The following BICD1 variants were observed in gnomAD, a reference collection of about 807,000 sequenced individuals.
BICD1 encodes BICD cargo adaptor 1, also known as protein bicaudal D homolog 1.
A neutral mutation model predicts 92.5 loss-of-function variants in BICD1; 35 were observed. That is an observed-to-expected ratio of 0.38 (90% CI 0.29 to 0.50). BICD1 has a LOEUF of 0.50. BICD1 is among the 20% of genes least tolerant of loss of function. The pLI is 0.93. For missense variants in BICD1, 950 were observed against 1,189.8 expected, an observed-to-expected ratio of 0.80 and a Z score of 2.97; for synonymous variants, 429 against 465.1, an observed-to-expected ratio of 0.92 and a Z score of 1.00.
intron 2 of BICD1, among the ~76,000 whole-genome samples, chr12:32,248,105 C>A (rs973145443): frequency 9.9e-5 from 15 of 151,846 alleles, no homozygotes; most frequent in African/African-American, 2.7e-4. Flanking sequence ...ACAAAAAAAA[C>A]AAAAACCCAA....
In BICD1 at chr12:32,377,568, C is replaced by T; in HGVS notation, c.2869C>T (p.Pro957Ser). 1 of 1,614,142 alleles carries T rather than the reference C, an allele frequency of 6.2e-7. No homozygotes were observed. The highest frequency in any genetic ancestry group is 8.5e-7 in the Non-Finnish European group (1 of 1,180,020). The change falls in exon 10 of 10, where the codon CCA becomes TCA. Residue 957 changes from proline (P) to serine (S), a missense_variant. Pro to Ser is a moderately conservative substitution (Grantham distance 74). Around this residue, in one of 5 missense-constraint regions of BICD1, gnomAD observed 179 missense variants for 186.7 expected, o/e 0.96. Transcript: ENST00000652176. ...TGACACAGCTCTCCCTGAGGAGCAG[C>T]CACATTCCAGCTCCCAGTGCGCCCC... ...SPDTALPEEQPHSSSQCAPLH... is the reference protein window; with the variant it reads ...SPDTALPEEQSHSSSQCAPLH...
intron 2 of BICD1, among the ~76,000 whole-genome samples, chr12:32,221,406 G>A (rs1036606811): frequency 1.1e-4 from 16 of 151,222 alleles, no homozygotes; most frequent in Non-Finnish European, 1.9e-4. Context: ...TTTATAGGCC[G>A]GGCATGGTGG....
At chr12:32,193,014 G>A (rs528008184) in intron 1 of BICD1, among the ~76,000 whole-genome samples, 1 of 152,236 alleles carries the variant, frequency 6.6e-6, no homozygotes, top group Non-Finnish European at 1.5e-5. Context: ...GACAACAAAA[G>A]ATGTAGAATA....
At chr12:32,251,289 T>C (rs1247934656) in intron 2 of BICD1, among the ~76,000 whole-genome samples, 5 of 152,188 alleles carry the variant, frequency 3.3e-5, no homozygotes, top group South Asian at 2.1e-4. Flanking sequence ...ATCTTCCTCC[T>C]CACTACCTCA....
At chr12:32,141,773 C>T (rs771547680) in intron 1 of BICD1, among the ~76,000 whole-genome samples, 1 of 152,086 alleles carries the variant, frequency 6.6e-6, no homozygotes, top group Non-Finnish European at 1.5e-5. Context: ...CGCGCCTGGC[C>T]TGGACACCCA....
intron 2 of BICD1, among the ~76,000 whole-genome samples, chr12:32,258,494 G>T (rs1946774652): frequency 1.3e-5 from 2 of 152,068 alleles, no homozygotes; most frequent in Non-Finnish European, 2.9e-5. Flanking sequence ...AAAGACACAA[G>T]ACAAAGAGAT....
In BICD1 at chr12:32,278,773, A is replaced by G. The variant is rs57377080; in HGVS notation, c.427-15221A>G. 9.9e-3 allele frequency among the ~76,000 whole-genome samples: 1,503 copies of G among 152,278 alleles called. 33 individuals are homozygous for G. Among genetic ancestry groups the G allele is most frequent in the African/African-American group, 0.034 (1,414 of 41,556 alleles). Reference sequence around the variant, plus strand: ...CAGGAGGCTGAGGCAGGAGAATGGCATGAACCCGGAGGGCGGAGCTTGCAG... The same window carrying G: ...CAGGAGGCTGAGGCAGGAGAATGGCGTGAACCCGGAGGGCGGAGCTTGCAG... On this transcript the variant is annotated intron_variant, in intron 2 of 9. Transcript: ENST00000652176.
rs768099600 is a variant in BICD1, at chr12:32,192,567, CCA to C, written c.214-23679_214-23678del. ...AAACCAACCACAACATTCCGTTAAG[CCA>C]AAGCTTAATCCAGAGCAAGGTCTTT... On this transcript the variant is annotated intron_variant, in intron 1 of 9. Transcript: ENST00000652176. 8.0e-4 allele frequency among the ~76,000 whole-genome samples: 122 copies of C among 152,148 alleles called. 1 individual carries two copies. Among genetic ancestry groups the C allele is most frequent in the Non-Finnish European group, 1.6e-3 (107 of 68,036 alleles).
chr12:32,240,008 A>G (rs963424377), intron 2 of BICD1, among the ~76,000 whole-genome samples: 2 of 152,236 alleles, frequency 1.3e-5, no homozygotes, highest in Non-Finnish European at 2.9e-5. Flanking sequence ...TATGCACTAG[A>G]AAATAAAAAT....
intron 1 of BICD1, among the ~76,000 whole-genome samples, chr12:32,211,085 C>T (rs900063786): frequency 2.0e-5 from 3 of 152,120 alleles, no homozygotes; most frequent in African/African-American, 7.2e-5. Flanking sequence ...TTCTCCTTCA[C>T]CCTCCCTTTC....
chr12:32,334,648 A>G lies in BICD1; in HGVS notation c.2233A>G (p.Arg745Gly). Residue 745 changes from arginine (R) to glycine (G), a missense_variant, in exon 6 of 10, where the codon AGA becomes GGA. Physicochemically the swap from Arg to Gly is moderately radical, Grantham distance 125 (BLOSUM62 -2). This residue lies in a region of BICD1 where 309 missense variants were observed against 499.4 expected (regional missense o/e 0.62). Coordinates refer to ENST00000652176, the MANE Select transcript of BICD1 (RefSeq NM_001714.4). ...KEDAATFSSL[R>G]AMFATRCDEY... Reference sequence around the variant, plus strand: ...AGATGCTGCAACCTTCTCATCCCTGAGAGCAATGTTTGCAACAAGGTAACA... The same window carrying G: ...AGATGCTGCAACCTTCTCATCCCTGGGAGCAATGTTTGCAACAAGGTAACA... 2 of 1,611,758 alleles carry G rather than the reference A, an allele frequency of 1.2e-6. No individual in the cohort carries two copies. Among genetic ancestry groups the G allele is most frequent in the Non-Finnish European group, 1.7e-6 (2 of 1,179,224 alleles).
intron 8 of BICD1, chr12:32,340,328 G>A: frequency 1.0e-6 from 1 of 985,198 alleles, no homozygotes; most frequent in Non-Finnish European, 1.2e-6. Flanking sequence ...AAAACTGCTT[G>A]GTGTTTTTAA....
chr12:32,366,840 C>T (rs1268289185), intron 8 of BICD1, among the ~76,000 whole-genome samples: 2 of 152,136 alleles, frequency 1.3e-5, no homozygotes, highest in Non-Finnish European at 2.9e-5. Flanking sequence ...TTGCATGATT[C>T]TAATATAGTC....
chr12:32,206,196 GATAA>G (rs1340501144), intron 1 of BICD1, among the ~76,000 whole-genome samples: 1 of 152,190 alleles, frequency 6.6e-6, no homozygotes, highest in East Asian at 1.9e-4. Flanking sequence ...ATTTGTCTTG[GATAA>G]ATAAATACCT....
chr12:32,197,238 A>G (rs574546999), intron 1 of BICD1, among the ~76,000 whole-genome samples: 1 of 152,116 alleles, frequency 6.6e-6, no homozygotes, highest in South Asian at 2.1e-4. Flanking sequence ...TGAACTCCTG[A>G]CCTCAGGTGA....
rs201758134 is a variant in BICD1 at position 32,322,991 on chromosome 12, G to GA, written c.1006-4464dup. On this transcript the variant is annotated intron_variant, in intron 4 of 9. Coordinates refer to ENST00000652176, the MANE Select transcript of BICD1 (RefSeq NM_001714.4). The stretch of plus-strand genomic sequence containing the variant: ...GTGCAAATTTGCTTAATTTTCAAAG[G>GA]AAAAAAGGAAAACAAAAACACTTCT... Among the ~76,000 whole-genome samples the GA allele has an allele frequency of 4.3e-3, 660 of 152,174 alleles. 1 individual carries two copies. Among genetic ancestry groups the GA allele is most frequent in the Non-Finnish European group, 6.7e-3 (454 of 67,982 alleles).
At chr12:32,198,346 A>ATATATATATATATATATATATG (rs1944794173) in intron 1 of BICD1, among the ~76,000 whole-genome samples, 7 of 141,698 alleles carry the variant, frequency 4.9e-5, no homozygotes, top group Non-Finnish European at 3.1e-5. Context: ...ATATATATAT[A>ATATATATATATATATATATATG]TATATATTCC....
intron 4 of BICD1, among the ~76,000 whole-genome samples, chr12:32,326,593 A>G (rs1435410016): frequency 2.6e-5 from 4 of 152,156 alleles, no homozygotes; most frequent in Non-Finnish European, 5.9e-5. Flanking sequence ...TTTATATTAG[A>G]AACCATCAAA....
chr12:32,229,522 G>A (rs1945806144), intron 2 of BICD1, among the ~76,000 whole-genome samples: 1 of 152,158 alleles, frequency 6.6e-6, no homozygotes, highest in Non-Finnish European at 1.5e-5. Context: ...TCAACAGTGC[G>A]GATGCTGCTA....
Sources: allele counts gnomAD v4.1 joint callset (sites outside exome capture counted in the v4.1 genomes callset), GRCh38; gene constraint gnomAD v4.1.1; regional missense constraint gnomAD v4.1.1; transcripts MANE v1.5; gene names NCBI Gene and HGNC (gene_info 2026-07-23, HGNC 2026-07-21).